Variants in KCNB2 observed in about 807,000 individuals in gnomAD.
The protein encoded by KCNB2 is delayed rectifier potassium channel protein.
In KCNB2, 15 loss-of-function variants were observed where a neutral mutation model predicts 61.5. That is an observed-to-expected ratio of 0.24 (90% CI 0.16 to 0.38). The LOEUF (loss-of-function observed/expected upper bound fraction) is 0.38, where lower values mean the gene tolerates loss of function less well. Ranked by LOEUF, KCNB2 falls within the 10% of genes least tolerant of loss-of-function variation. The pLI, the probability that KCNB2 is intolerant of heterozygous loss-of-function variation, is 1.00. For missense variants in KCNB2, 828 were observed against 1,125.2 expected, an observed-to-expected ratio of 0.74 and a Z score of 3.78; for synonymous variants, 457 against 446.0, an observed-to-expected ratio of 1.02 and a Z score of -0.31.
chr8:72,736,402 C>T (rs1321387542), intron 2 of KCNB2, among the ~76,000 whole-genome samples: 1 of 151,838 alleles, frequency 6.6e-6, no homozygotes, highest in Non-Finnish European at 1.5e-5. Context: ...TGGTTTTATC[C>T]CAAGAGTTGT....
intron 2 of KCNB2, among the ~76,000 whole-genome samples, chr8:72,909,621 G>C (rs1806248243): frequency 6.6e-6 from 1 of 152,092 alleles, no homozygotes; most frequent in Admixed American, 6.6e-5. Context: ...AGAAATGGGA[G>C]GAAAGACAGT....
intron 2 of KCNB2, among the ~76,000 whole-genome samples, chr8:72,853,372 G>A (rs890499480): frequency 2.0e-5 from 3 of 152,174 alleles, no homozygotes; most frequent in Non-Finnish European, 4.4e-5. Flanking sequence ...AAAGCTCCAG[G>A]AGGGATCAAG....
intron 1 of KCNB2, among the ~76,000 whole-genome samples, chr8:72,558,554 C>A (rs1806462878): frequency 1.3e-5 from 2 of 151,996 alleles, no homozygotes; most frequent in Non-Finnish European, 2.9e-5. Flanking sequence ...TGGGGAATGG[C>A]AGGTAACACG....
intron 2 of KCNB2, among the ~76,000 whole-genome samples, chr8:72,786,205 T>C (rs1287584634): frequency 6.6e-6 from 1 of 152,158 alleles, no homozygotes; most frequent in African/African-American, 2.4e-5. Flanking sequence ...GACCTAGCCG[T>C]ATTATTTAAT....
intron 1 of KCNB2, among the ~76,000 whole-genome samples, chr8:72,557,383 C>T (rs928957578): frequency 7.5e-6 from 1 of 133,568 alleles, no homozygotes; most frequent in African/African-American, 2.8e-5. Flanking sequence ...GACTCACTAA[C>T]TTTGATGCAT....
chr8:72,760,543 C>A (rs1808361063), intron 2 of KCNB2, among the ~76,000 whole-genome samples: 1 of 152,184 alleles, frequency 6.6e-6, no homozygotes, highest in Non-Finnish European at 1.5e-5. Flanking sequence ...GGCCCCATCC[C>A]AGACCTACTA....
intron 2 of KCNB2, among the ~76,000 whole-genome samples, chr8:72,908,895 G>A (rs1389909780): frequency 6.6e-6 from 1 of 152,136 alleles, no homozygotes; most frequent in Non-Finnish European, 1.5e-5. Context: ...TTGAACCAAG[G>A]GCTGATTCAA....
chr8:72,672,470 A>G (rs945275348), intron 2 of KCNB2, among the ~76,000 whole-genome samples: 10 of 152,180 alleles, frequency 6.6e-5, no homozygotes, highest in Non-Finnish European at 4.4e-5. Context: ...TGACAATTTG[A>G]CATTACTCTT....
chr8:72,748,726 T>C (rs1808128730), intron 2 of KCNB2, among the ~76,000 whole-genome samples: 1 of 151,864 alleles, frequency 6.6e-6, no homozygotes, highest in African/African-American at 2.4e-5. Context: ...ATTTACTCTT[T>C]CTTATTTTTA....
chr8:72,592,695 G>A (rs770548507), intron 2 of KCNB2, among the ~76,000 whole-genome samples: 6 of 152,054 alleles, frequency 3.9e-5, no homozygotes, highest in African/African-American at 9.7e-5. Context: ...GAATGTGTAC[G>A]TTGAGATGGA....
chr8:72,681,264 T>C (rs1474120597), intron 2 of KCNB2, among the ~76,000 whole-genome samples: 1 of 152,000 alleles, frequency 6.6e-6, no homozygotes. Context: ...AGCTTTAGAA[T>C]AGAAAAAAGA....
At chr8:72,625,847 G>A (rs768721666) in intron 2 of KCNB2, among the ~76,000 whole-genome samples, 36 of 152,138 alleles carry the variant, frequency 2.4e-4, no homozygotes, top group Non-Finnish European at 4.4e-4. Flanking sequence ...GTTGTCAGCT[G>A]TAGAACACGA....
chr8:72,746,838 A>G (rs983628016), intron 2 of KCNB2, among the ~76,000 whole-genome samples: 3 of 152,154 alleles, frequency 2.0e-5, no homozygotes, highest in African/African-American at 7.2e-5. Context: ...TGAGTAGACC[A>G]ACCATCCAGA....
intron 2 of KCNB2, among the ~76,000 whole-genome samples, chr8:72,698,435 G>T (rs1028492592): frequency 1.3e-5 from 2 of 152,070 alleles, no homozygotes; most frequent in Non-Finnish European, 2.9e-5. Context: ...TGTCCATACT[G>T]CCCAAAGCAA....
intron 2 of KCNB2, among the ~76,000 whole-genome samples, chr8:72,754,683 A>C (rs1808255499): frequency 6.6e-6 from 1 of 152,232 alleles, no homozygotes; most frequent in African/African-American, 2.4e-5. Context: ...GAAAATAAAA[A>C]GACAAACTGT....
chr8:72,921,078 C>G (rs1806512440), intron 2 of KCNB2, among the ~76,000 whole-genome samples: 1 of 152,020 alleles, frequency 6.6e-6, no homozygotes, highest in South Asian at 2.1e-4. Context: ...ATCCAAAGTT[C>G]AGCTTGAGAA....
chr8:72,621,652 G>A, intron 2 of KCNB2, among the ~76,000 whole-genome samples: 1 of 152,080 alleles, frequency 6.6e-6, no homozygotes, highest in East Asian at 1.9e-4. Context: ...TGGAGAATGG[G>A]CTATCCATCC....
chr8:72,619,350 G>T, intron 2 of KCNB2: 1 of 571,978 alleles, frequency 1.7e-6, no homozygotes. Context: ...AAGAGGCTTG[G>T]CTTCTGATTT....
chr8:72,609,161 A>G (rs1805500142), intron 2 of KCNB2, among the ~76,000 whole-genome samples: 1 of 152,222 alleles, frequency 6.6e-6, no homozygotes, highest in South Asian at 2.1e-4. Flanking sequence ...TCAACATCAT[A>G]TAGTAGCTAA....
Sources: gnomAD v4.1 joint callset for allele counts (sites outside exome capture counted in the v4.1 genomes callset) on GRCh38, gnomAD v4.1.1 for gene constraint, MANE v1.5 for transcripts, NCBI Gene and HGNC (gene_info 2026-07-23, HGNC 2026-07-21) for gene names.